The following FANCI variants were observed in gnomAD, a reference collection of about 807,000 sequenced individuals.
The protein encoded by FANCI is FA complementation group I.
Under a neutral mutation model 176.1 loss-of-function variants are expected in FANCI, and 156 were observed. The observed-to-expected ratio is 0.89, with a 90% confidence interval of 0.78 to 1.01. The LOEUF is 1.01. Ranked by LOEUF, FANCI falls within the 50% of genes least tolerant of loss-of-function variation. FANCI has a pLI of 0.00. For synonymous variants in FANCI, 613 were observed against 541.7 expected (o/e 1.13, Z -1.83); for missense variants, 1,678 against 1,534.1 (o/e 1.09, Z -1.57).
intron 28 of FANCI, among the ~76,000 whole-genome samples, chr15:89,304,723 C>G (rs536919422): frequency 7.2e-5 from 11 of 152,168 alleles, no homozygotes; most frequent in African/African-American, 2.7e-4. Context: ...TTAGGCACTC[C>G]ACCCCACACA....
chr15:89,269,443 T>C (rs562611597), intron 10 of FANCI, among the ~76,000 whole-genome samples: 1 of 152,290 alleles, frequency 6.6e-6, no homozygotes, highest in Admixed American at 6.5e-5. Context: ...TCAGGCTTCA[T>C]GCATTGCATT....
intron 37 of FANCI, 33 bp downstream of exon 37, chr15:89,315,422 C>G (rs780680344): frequency 1.4e-6 from 2 of 1,431,456 alleles, no homozygotes; most frequent in East Asian, 2.3e-5. Flanking sequence ...AGCCCAGCCA[C>G]TCTTCCTAGC....
intron 37 of FANCI, chr15:89,316,183 C>T (rs763012513): frequency 3.4e-6 from 2 of 590,728 alleles, no homozygotes; most frequent in South Asian, 2.0e-5. Context: ...AGCAAAAGTC[C>T]TAAAAGGAGG....
chr15:89,312,677 G>C (rs890627633), intron 34 of FANCI, among the ~76,000 whole-genome samples: 2 of 152,144 alleles, frequency 1.3e-5, no homozygotes, highest in Non-Finnish European at 2.9e-5. Context: ...AAAATTAGCT[G>C]AGTGTGGTGG....
intron 28 of FANCI, among the ~76,000 whole-genome samples, chr15:89,304,801 A>T (rs1353990885): frequency 6.7e-6 from 1 of 149,584 alleles, no homozygotes; most frequent in African/African-American, 2.5e-5. Flanking sequence ...TTTGAGACAG[A>T]GTTTCACTCT....
At position 89,261,539 on chromosome 15, in the gene FANCI, A is replaced by G. The variant is rs139718060; in HGVS notation, c.289-46A>G. On this transcript the variant is annotated intron_variant, in intron 4 of 37. Coordinates refer to ENST00000310775, the MANE Select transcript of FANCI (RefSeq NM_001113378.2). The stretch of plus-strand genomic sequence containing the variant: ...TTTATTTCTTAGAAAGATTTATCAA[A>G]CATTGGATTTCTGCTTGAGATTTCC... 3.7e-6 allele frequency: 6 copies of G among 1,608,822 alleles called. No homozygotes were observed. In the African/African-American group the frequency reaches 8.0e-5, roughly 21 times the overall value.
intron 31 of FANCI, 42 bp from the exon 32 acceptor site, chr15:89,305,965 A>G (rs1286325873): frequency 3.1e-6 from 5 of 1,605,264 alleles, no homozygotes; most frequent in Non-Finnish European, 4.3e-6. Flanking sequence ...TTAATTAGAA[A>G]ACGAAGTTGG....
At chr15:89,252,299 TAAA>T (rs765131815) in intron 2 of FANCI, among the ~76,000 whole-genome samples, 2 of 130,100 alleles carry the variant, frequency 1.5e-5, no homozygotes. Context: ...AGATTCCATC[TAAA>T]AAAAAAAAAA....
chr15:89,255,533 C>T (rs2052455223), intron 2 of FANCI, among the ~76,000 whole-genome samples: 1 of 152,168 alleles, frequency 6.6e-6, no homozygotes, highest in African/African-American at 2.4e-5. Flanking sequence ...GACAGATGGA[C>T]ATCATGTGCT....
chr15:89,269,808 C>T (rs2053129378), intron 10 of FANCI, among the ~76,000 whole-genome samples: 1 of 151,482 alleles, frequency 6.6e-6, no homozygotes, highest in South Asian at 2.1e-4. Context: ...ATTATTCTTC[C>T]TTTGATTTGT....
intron 10 of FANCI, chr15:89,268,727 G>T: frequency 1.7e-6 from 1 of 580,702 alleles, no homozygotes; most frequent in Non-Finnish European, 3.0e-6. Flanking sequence ...CCTCACTTTA[G>T]CAGTATACCA....
Position 89,305,675 on chromosome 15 carries a change from A to G in FANCI, c.3326A>G (p.Gln1109Arg). ...VDWLITKLKG[Q>R]VSQETLSEEA... Reference sequence around the variant, plus strand: ...TGGCTAATCACCAAGCTTAAGGGACAAGTGAGCCAAGAAACCTTATCAGGT... The same window carrying G: ...TGGCTAATCACCAAGCTTAAGGGACGAGTGAGCCAAGAAACCTTATCAGGT... Residue 1109 changes from glutamine (Q) to arginine (R), a missense_variant, in exon 31 of 38, where the codon CAA becomes CGA. By Grantham distance (43) the Gln-to-Arg change is conservative. Around this residue, in one of 3 missense-constraint regions of FANCI, gnomAD observed 1,204 missense variants for 1,077.4 expected, o/e 1.12. Coordinates refer to ENST00000310775, the MANE Select transcript of FANCI (RefSeq NM_001113378.2). 1 of 1,614,240 alleles carries G rather than the reference A, an allele frequency of 6.2e-7. No individual in the cohort carries two copies. The highest frequency in any genetic ancestry group is 1.3e-5 in the African/African-American group (1 of 75,062).
intron 35 of FANCI, 99 bp from the exon 36 acceptor site, chr15:89,314,513 T>C: frequency 1.1e-6 from 1 of 897,696 alleles, no homozygotes; most frequent in Non-Finnish European, 1.8e-6. Context: ...ACAGACTAGT[T>C]TTCCCCTAAA....
intron 20 of FANCI, 78 bp from the exon 21 acceptor site, chr15:89,292,607 AATT>A: frequency 7.3e-7 from 1 of 1,364,864 alleles, no homozygotes. Context: ...TATAGATAAG[AATT>A]ATTTGCTGGT....
At chr15:89,300,511 A>G (rs896522257) in intron 26 of FANCI, 126 bp downstream of exon 26, 2 of 751,626 alleles carry the variant, frequency 2.7e-6, no homozygotes, top group Non-Finnish European at 4.7e-6. Context: ...TGGGTCATAC[A>G]GGCAACAGGA....
chr15:89,271,169 C>T lies in FANCI; in HGVS notation c.883-2208C>T, dbSNP rs557983363. On this transcript the variant is annotated intron_variant, in intron 10 of 37. Transcript: ENST00000310775. ...TTTAAACTTTTTGAGGCACAATTTA[C>T]ATAGCACAAAATTATTTTATTCTAA... Among the ~76,000 whole-genome samples the T allele has an allele frequency of 2.0e-5, 3 of 152,206 alleles. No homozygotes were observed. In the South Asian group the frequency reaches 6.2e-4, roughly 32 times the overall value.
chr15:89,294,824 G>A, intron 23 of FANCI, 91 bp from the exon 24 acceptor site: 1 of 1,394,682 alleles, frequency 7.2e-7, no homozygotes, highest in South Asian at 1.4e-5. Context: ...GGGTGCTGCT[G>A]TTCTGAACAA....
At chr15:89,285,325 T>C in intron 18 of FANCI, 107 bp downstream of exon 18, 1 of 1,439,218 alleles carries the variant, frequency 6.9e-7, no homozygotes, top group Non-Finnish European at 9.5e-7. Flanking sequence ...TCTTACTTGA[T>C]GTAGTCAGCA....
chr15:89,293,166 A>G, intron 22 of FANCI, 103 bp downstream of exon 22: 1 of 1,253,138 alleles, frequency 8.0e-7, no homozygotes, highest in Non-Finnish European at 1.1e-6. Context: ...ACCACAGACG[A>G]TGACACTGTC....
Sources: allele counts gnomAD v4.1 joint callset (sites outside exome capture counted in the v4.1 genomes callset), GRCh38; gene constraint gnomAD v4.1.1; regional missense constraint gnomAD v4.1.1; transcripts MANE v1.5; gene names NCBI Gene and HGNC (gene_info 2026-07-23, HGNC 2026-07-21).